The following GPR160 variants were observed in gnomAD, a reference collection of about 807,000 sequenced individuals.
GPR160 encodes G protein-coupled receptor 160.
GPR160 carries 2 observed loss-of-function variants against 2.6 expected under a neutral mutation model. That is an observed-to-expected ratio of 0.77 (90% confidence interval 0.32 to 2.44). GPR160 has a LOEUF of 2.44. Ranked by LOEUF, GPR160 falls within the 30% of genes most tolerant of loss-of-function variation. GPR160 has a pLI of 0.11. For synonymous variants in GPR160, 130 were observed against 132.2 expected (o/e 0.98, Z 0.12); for missense variants, 351 against 383.6 (o/e 0.91, Z 0.71).
chr3:170,048,426 TA>T (rs1274884745), intron 2 of GPR160, among the ~76,000 whole-genome samples: 7 of 152,212 alleles, frequency 4.6e-5, no homozygotes, highest in Admixed American at 1.3e-4. Flanking sequence ...AAATTTTTTT[TA>T]AATAAAAAAT....
chr3:170,067,480 AT>A (rs1296145885), intron 2 of GPR160, among the ~76,000 whole-genome samples: 2 of 151,668 alleles, frequency 1.3e-5, no homozygotes, highest in African/African-American at 2.4e-5. Context: ...ATATTTTACC[AT>A]TTTTTTTCTT....
At chr3:170,048,526 A>G (rs562918629) in intron 2 of GPR160, among the ~76,000 whole-genome samples, 3 of 149,726 alleles carry the variant, frequency 2.0e-5, no homozygotes, top group Non-Finnish European at 2.9e-5. Flanking sequence ...ATATTAGAGA[A>G]CTAAGTTGTT....
At chr3:170,057,060 G>A (rs905314171) in intron 2 of GPR160, among the ~76,000 whole-genome samples, 1 of 152,312 alleles carries the variant, frequency 6.6e-6, no homozygotes, top group South Asian at 2.1e-4. Flanking sequence ...CGGAGCCACA[G>A]GAGAGCAAAA....
intron 2 of GPR160, chr3:170,062,451 C>T (rs949944751): frequency 3.7e-6 from 2 of 534,864 alleles, no homozygotes; most frequent in South Asian, 1.9e-5. Flanking sequence ...AGGAGAACTC[C>T]GTTACACGTC....
At chr3:170,071,622 T>C (rs532697206) in intron 2 of GPR160, among the ~76,000 whole-genome samples, 3 of 146,856 alleles carry the variant, frequency 2.0e-5, no homozygotes, top group Non-Finnish European at 4.5e-5. Context: ...CAAAACCCCG[T>C]CTCTACTAAA....
rs1317169069 is a variant in GPR160, at chr3:170,084,906, G to A, written c.934G>A (p.Val312Ile). The A allele has an allele frequency of 6.2e-7, 1 of 1,607,554 alleles. No individual in the cohort carries two copies. The highest frequency in any genetic ancestry group is 1.1e-5 in the South Asian group (1 of 90,656). Residue 312 changes from valine (V) to isoleucine (I), a missense_variant, in exon 4 of 4, where the codon GTC becomes ATC. By Grantham distance (29) the Val-to-Ile change is conservative. Transcript: ENST00000355897. Reference protein sequence around the residue: ...KDIGLPLDPFVNWKCCFIPLT... With the variant: ...KDIGLPLDPFINWKCCFIPLT... ...CATTGGATTACCTTTGGATCCATTT[G>A]TCAACTGGAAGTGCTGCTTCATTCC...
At chr3:170,076,441 A>T (rs1246105429) in intron 2 of GPR160, among the ~76,000 whole-genome samples, 1 of 152,188 alleles carries the variant, frequency 6.6e-6, no homozygotes, top group African/African-American at 2.4e-5. Context: ...TTTTGGAGGG[A>T]TAAAATTTCA....
chr3:170,044,635 G>C, intron 2 of GPR160, among the ~76,000 whole-genome samples: 1 of 152,110 alleles, frequency 6.6e-6, no homozygotes, highest in East Asian at 1.9e-4. Flanking sequence ...GTGTCCTGCA[G>C]GGATGGGGCA....
intron 2 of GPR160, among the ~76,000 whole-genome samples, chr3:170,045,294 GT>G (rs1287710342): frequency 6.6e-6 from 1 of 151,716 alleles, no homozygotes; most frequent in African/African-American, 2.4e-5. Context: ...GCCGAGCATG[GT>G]GGCTCACACC....
intron 3 of GPR160, chr3:170,083,640 G>GTACT (rs1248623224): frequency 2.9e-5 from 5 of 172,152 alleles, no homozygotes; most frequent in African/African-American, 4.8e-5. Flanking sequence ...ATTAAAACCT[G>GTACT]TACTTATATA....
chr3:170,053,599 A>C (rs1050178805), intron 2 of GPR160, among the ~76,000 whole-genome samples: 2 of 152,154 alleles, frequency 1.3e-5, no homozygotes, highest in African/African-American at 4.8e-5. Flanking sequence ...TTCTCGCCTT[A>C]CTGAATGGGC....
chr3:170,071,874 T>G (rs889049098), intron 2 of GPR160, among the ~76,000 whole-genome samples: 1 of 152,098 alleles, frequency 6.6e-6, no homozygotes, highest in African/African-American at 2.4e-5. Context: ...TGGCCTAACA[T>G]AACATGTTTT....
intron 2 of GPR160, chr3:170,062,281 C>T: frequency 4.9e-6 from 1 of 204,298 alleles, no homozygotes; most frequent in Non-Finnish European, 9.8e-6. Context: ...GCGGAGGCAG[C>T]AGCGGGGGTG....
In GPR160 at chr3:170,083,904, G is replaced by T; in HGVS notation, c.-68-1G>T. The T allele has an allele frequency of 2.3e-6, 2 of 857,008 alleles. No individual in the cohort carries two copies. Among genetic ancestry groups the T allele is most frequent in the Admixed American group, 2.9e-5 (1 of 33,954 alleles). The allele number at this position is 857,008 out of a possible 1,614,324, so 53.1% of individuals were successfully genotyped here. Reference sequence around the variant, plus strand: ...AGGTTTTCTTTTCACTTTTTTTGCAGGGACAGAAAATGAAGCAGTGTTTTA... The same window carrying T: ...AGGTTTTCTTTTCACTTTTTTTGCATGGACAGAAAATGAAGCAGTGTTTTA... On this transcript the variant is annotated splice_acceptor_variant, in intron 3 of 3. Transcript: ENST00000355897. LOFTEE classifies it low-confidence loss of function (5UTR_SPLICE).
At chr3:170,052,901 T>C (rs1036150113) in intron 2 of GPR160, among the ~76,000 whole-genome samples, 6 of 152,180 alleles carry the variant, frequency 3.9e-5, no homozygotes, top group African/African-American at 1.2e-4. Flanking sequence ...TGGTGTGAAG[T>C]GGAGTTAAGG....
chr3:170,051,037 C>CA, intron 2 of GPR160, among the ~76,000 whole-genome samples: 1 of 152,136 alleles, frequency 6.6e-6, no homozygotes, highest in Non-Finnish European at 1.5e-5. Flanking sequence ...AAGAAACTGC[C>CA]AAACTATTTT....
intron 2 of GPR160, among the ~76,000 whole-genome samples, chr3:170,069,699 C>T (rs1328376770): frequency 6.6e-6 from 1 of 152,170 alleles, no homozygotes; most frequent in Non-Finnish European, 1.5e-5. Context: ...ACCCCCAGCA[C>T]ACACACTGCA....
chr3:170,047,049 T>A (rs2108311329), intron 2 of GPR160, among the ~76,000 whole-genome samples: 1 of 152,250 alleles, frequency 6.6e-6, no homozygotes, highest in Non-Finnish European at 1.5e-5. Flanking sequence ...GGCAGAGGTC[T>A]CCCCTGTCGA....
In GPR160 at chr3:170,085,059, T is replaced by G; in HGVS notation, c.*70T>G. The G allele has an allele frequency of 1.2e-6, 1 of 830,228 alleles. No individual in the cohort carries two copies. Among genetic ancestry groups the G allele is most frequent in the Non-Finnish European group, 1.7e-6 (1 of 573,584 alleles). 51.4% of individuals were successfully genotyped at this position (830,228 alleles called of 1,614,324 possible). On this transcript the variant is annotated 3_prime_UTR_variant, in exon 4 of 4. Transcript: ENST00000355897. ...TGAACAGAAAGAACTCAGGACATAT[T>G]AAAAAATAAACTGAACTAAAACAAC...
Sources: allele counts gnomAD v4.1 joint callset (sites outside exome capture counted in the v4.1 genomes callset), GRCh38; gene constraint gnomAD v4.1.1; transcripts MANE v1.5; gene names NCBI Gene and HGNC (gene_info 2026-07-23, HGNC 2026-07-21).